The following PAN3 variants were observed in gnomAD, a reference collection of about 807,000 sequenced individuals.
PAN3 encodes poly(A) specific ribonuclease subunit PAN3.
PAN3 carries 19 observed loss-of-function variants against 96.2 expected under a neutral mutation model. The observed-to-expected ratio is 0.20, with a 90% confidence interval of 0.14 to 0.29. The LOEUF is 0.29. Ranked by LOEUF, PAN3 falls within the 10% of genes least tolerant of loss-of-function variation. The probability of loss-of-function intolerance (pLI) is 1.00; values close to 1 mark genes in which losing one functional copy is unlikely to be tolerated. For missense variants in PAN3, 882 were observed against 1,108.1 expected (o/e 0.80, Z 2.90); for synonymous variants, 433 against 406.6 (o/e 1.06, Z -0.78).
chr13:28,149,518 G>GT (rs1269089955), intron 1 of PAN3, among the ~76,000 whole-genome samples: 1 of 152,086 alleles, frequency 6.6e-6, no homozygotes, highest in African/African-American at 2.4e-5. Flanking sequence ...GTTCATATTT[G>GT]TAAGTAGCCT....
Position 28,206,121 on chromosome 13 carries a change from A to G in PAN3, c.852+8775A>G, listed in dbSNP as rs74918382. Among the ~76,000 whole-genome samples the G allele has an allele frequency of 9.7e-3, 1,481 of 152,122 alleles. 19 individuals carry two copies. The highest frequency in any genetic ancestry group is 0.034 in the African/African-American group (1,415 of 41,508). ...TTTTCTGATACTTTATGAACCCCAC[A>G]ACAAAGCATGCTACATGAGGAAAAG... On this transcript the variant is annotated intron_variant, in intron 5 of 18. Coordinates refer to ENST00000380958, the MANE Select transcript of PAN3 (RefSeq NM_175854.8).
chr13:28,217,096 A>G (rs1311381224), intron 5 of PAN3, among the ~76,000 whole-genome samples: 2 of 150,348 alleles, frequency 1.3e-5, no homozygotes, highest in Admixed American at 1.3e-4. Flanking sequence ...CCTGGGTGAC[A>G]GAGTAAAACT....
chr13:28,207,626 T>C (rs2138300597), intron 5 of PAN3, among the ~76,000 whole-genome samples: 1 of 135,526 alleles, frequency 7.4e-6, no homozygotes, highest in East Asian at 2.3e-4. Context: ...AGCAAACTTG[T>C]CTTTTAAGAT....
intron 5 of PAN3, among the ~76,000 whole-genome samples, chr13:28,198,714 T>G (rs1878362402): frequency 6.6e-6 from 1 of 152,208 alleles, no homozygotes; most frequent in Non-Finnish European, 1.5e-5. Context: ...ACTCCCAAAC[T>G]TGCATTTAAA....
In PAN3 at chr13:28,270,751, T is replaced by A; in HGVS notation, c.1843T>A (p.Ser615Thr). Reference sequence around the variant, plus strand: ...GCAGCATGCTGGATTATTGCCAGAATCTCTTATTTGGGCATATATTGTCCA... The same window carrying A: ...GCAGCATGCTGGATTATTGCCAGAAACTCTTATTTGGGCATATATTGTCCA... Reference protein sequence around the residue: ...PRQHAGLLPESLIWAYIVQLS... With the variant: ...PRQHAGLLPETLIWAYIVQLS... Residue 615 changes from serine (S) to threonine (T), a missense_variant, in exon 13 of 19, where the codon TCT (serine) becomes ACT (threonine). By Grantham distance (58) the Ser-to-Thr change is moderately conservative. Around this residue, in one of 3 missense-constraint regions of PAN3, gnomAD observed 364 missense variants for 513.6 expected, o/e 0.71. Coordinates refer to ENST00000380958, the MANE Select transcript of PAN3 (RefSeq NM_175854.8). The A allele has an allele frequency of 6.2e-7, 1 of 1,613,988 alleles. No homozygotes were observed. The highest frequency in any genetic ancestry group is 8.5e-7 in the Non-Finnish European group (1 of 1,179,888).
At chr13:28,139,583 C>T (rs1275043258) in intron 1 of PAN3, among the ~76,000 whole-genome samples, 2 of 144,238 alleles carry the variant, frequency 1.4e-5, no homozygotes, top group African/African-American at 2.7e-5. Context: ...GGGCTTAAGG[C>T]TTCGTGGAGT....
At chr13:28,248,620 G>T (rs1884430822) in intron 6 of PAN3, among the ~76,000 whole-genome samples, 1 of 152,056 alleles carries the variant, frequency 6.6e-6, no homozygotes, top group African/African-American at 2.4e-5. Flanking sequence ...CGCCTCCTGG[G>T]CTCAAGCAGT....
At chr13:28,287,381 A>G (rs1869120523) in intron 17 of PAN3, among the ~76,000 whole-genome samples, 1 of 152,218 alleles carries the variant, frequency 6.6e-6, no homozygotes, top group Non-Finnish European at 1.5e-5. Flanking sequence ...GGCCCTAGAT[A>G]AATTCATCTT....
intron 3 of PAN3, among the ~76,000 whole-genome samples, chr13:28,177,512 C>A (rs1003660232): frequency 4.2e-4 from 64 of 152,178 alleles, no homozygotes; most frequent in African/African-American, 1.5e-3. Context: ...TTTATCCTTC[C>A]CAAGATATGG....
chr13:28,202,632 C>T lies in PAN3; in HGVS notation c.852+5286C>T, dbSNP rs569633950. Among the ~76,000 whole-genome samples, 23 of 151,894 alleles carry T rather than the reference C, an allele frequency of 1.5e-4. 2 individuals carry two copies. The South Asian group carries it at 4.8e-3, about 31-fold the overall frequency. On this transcript the variant is annotated intron_variant, in intron 5 of 18. Transcript: ENST00000380958. Reference sequence around the variant, plus strand: ...TCTCTGGGATTACTTGTATACACAGCAGGCAGGATAGAATATATATATGTA... The same window carrying T: ...TCTCTGGGATTACTTGTATACACAGTAGGCAGGATAGAATATATATATGTA...
intron 1 of PAN3, among the ~76,000 whole-genome samples, chr13:28,155,718 C>T (rs187302458): frequency 1.3e-5 from 2 of 152,142 alleles, no homozygotes; most frequent in East Asian, 3.9e-4. Flanking sequence ...ATACACATCT[C>T]ATATATACAC....
At chr13:28,217,587 CAA>C (rs773189003) in intron 5 of PAN3, among the ~76,000 whole-genome samples, 1 of 108,184 alleles carries the variant, frequency 9.2e-6, no homozygotes, top group African/African-American at 3.4e-5. Flanking sequence ...TCTCAAAAAA[CAA>C]AAAAAAAACA....
In PAN3 at chr13:28,267,287, G is replaced by T; in HGVS notation, c.1691-13G>T. ...CCAGCTTTCAGTAATGAGTGTTTGT[G>T]TTTTATTTTAAGCTCTTGTGTTTGC... On this transcript the variant is annotated splice_polypyrimidine_tract_variant and intron_variant, in intron 11 of 18. Coordinates refer to ENST00000380958, the MANE Select transcript of PAN3 (RefSeq NM_175854.8). 17 of 1,613,326 alleles carry T rather than the reference G, an allele frequency of 1.1e-5. No homozygotes were observed. Among genetic ancestry groups the T allele is most frequent in the Non-Finnish European group, 1.4e-5 (16 of 1,179,402 alleles).
intron 5 of PAN3, among the ~76,000 whole-genome samples, chr13:28,197,949 C>T (rs1352227225): frequency 1.3e-5 from 2 of 151,788 alleles, no homozygotes; most frequent in East Asian, 3.9e-4. Flanking sequence ...TTTTACTACC[C>T]AAGAGTTATT....
At chr13:28,156,228 A>G in intron 1 of PAN3, among the ~76,000 whole-genome samples, 1 of 152,176 alleles carries the variant, frequency 6.6e-6, no homozygotes, top group East Asian at 1.9e-4. Context: ...CAAAGGGGAC[A>G]TTACCACCTA....
chr13:28,174,219 A>G (rs552886755), intron 1 of PAN3, 53 bp from the exon 2 acceptor site: 109 of 1,542,618 alleles, frequency 7.1e-5, no homozygotes, highest in South Asian at 5.2e-4. Context: ...AGTGAAATCA[A>G]TGTTTCATCC....
At chr13:28,155,123 G>A (rs772636785) in intron 1 of PAN3, among the ~76,000 whole-genome samples, 4 of 151,776 alleles carry the variant, frequency 2.6e-5, no homozygotes, top group African/African-American at 4.8e-5. Context: ...GCGACTTTGC[G>A]GTTTTTAAAA....
intron 1 of PAN3, among the ~76,000 whole-genome samples, chr13:28,173,626 C>T (rs1019734253): frequency 6.6e-6 from 1 of 152,162 alleles, no homozygotes. Context: ...AGCAAGCCTA[C>T]TTGCGGCCCA....
intron 5 of PAN3, among the ~76,000 whole-genome samples, chr13:28,208,934 T>TA (rs1879697987): frequency 6.6e-6 from 1 of 152,192 alleles, no homozygotes; most frequent in Non-Finnish European, 1.5e-5. Context: ...GTAAAAATTA[T>TA]ACAGTGGTCC....
Sources: gnomAD v4.1 joint callset for allele counts (sites outside exome capture counted in the v4.1 genomes callset) on GRCh38, gnomAD v4.1.1 for gene constraint, gnomAD v4.1.1 regional missense constraint, MANE v1.5 for transcripts, NCBI Gene and HGNC (gene_info 2026-07-23, HGNC 2026-07-21) for gene names.